The following SEMA6D variants were observed in gnomAD, a reference collection of about 807,000 sequenced individuals.
SEMA6D encodes the protein semaphorin-6D.
In SEMA6D, 35 loss-of-function variants were observed where a neutral mutation model predicts 106.6. The observed-to-expected ratio is 0.33, with a 90% CI of 0.25 to 0.44. SEMA6D has a LOEUF of 0.44. SEMA6D is among the 20% of genes least tolerant of loss of function. The probability of loss-of-function intolerance (pLI) is 1.00; values close to 1 mark genes in which losing one functional copy is unlikely to be tolerated. For missense variants in SEMA6D, 1,185 were observed against 1,345.9 expected, an observed-to-expected ratio of 0.88 and a Z score of 1.87; for synonymous variants, 499 against 487.7, an observed-to-expected ratio of 1.02 and a Z score of -0.31.
intron 1 of SEMA6D, among the ~76,000 whole-genome samples, chr15:47,300,668 T>G (rs2035985576): frequency 1.3e-5 from 2 of 151,648 alleles, no homozygotes; most frequent in Admixed American, 1.3e-4. Flanking sequence ...AATAGGTGAT[T>G]GTTTGGGAAC....
chr15:47,527,126 T>C (rs951903982), intron 3 of SEMA6D, among the ~76,000 whole-genome samples: 1 of 152,184 alleles, frequency 6.6e-6, no homozygotes, highest in Non-Finnish European at 1.5e-5. Flanking sequence ...ATGAGGAGTG[T>C]TTGCCAAACA....
At position 47,464,212 on chromosome 15, in the gene SEMA6D, A is replaced by G. The variant is rs535640952; in HGVS notation, c.-158-6262A>G. Among the ~76,000 whole-genome samples, 31 of 152,236 alleles carry G rather than the reference A, an allele frequency of 2.0e-4. 2 individuals carry two copies. The highest frequency in any genetic ancestry group is 7.5e-4 in the African/African-American group (31 of 41,562). The stretch of plus-strand genomic sequence containing the variant: ...TTTTTTTTAGCTACAATCCCTCATC[A>G]GTAAGATAAGGTTAATAAACTTTTA... On this transcript the variant is annotated intron_variant, in intron 2 of 19. Coordinates refer to the SEMA6D transcript ENST00000558014.
chr15:47,220,398 T>C (rs2031080608), intron 1 of SEMA6D, among the ~76,000 whole-genome samples: 1 of 152,180 alleles, frequency 6.6e-6, no homozygotes, highest in African/African-American at 2.4e-5. Context: ...ATTTAAAAGA[T>C]ATATTTTGAA....
At chr15:47,766,715 T>C (rs201868033) in intron 16 of SEMA6D, 38 bp downstream of exon 16, 1 of 1,331,654 alleles carries the variant, frequency 7.5e-7, no homozygotes, top group East Asian at 2.3e-5. Flanking sequence ...GGAGCTTCTT[T>C]TTGACCACAT....
At chr15:47,755,416 C>T (rs1020951270) in intron 1 of SEMA6D, among the ~76,000 whole-genome samples, 1 of 151,750 alleles carries the variant, frequency 6.6e-6, no homozygotes, top group Admixed American at 6.6e-5. Context: ...GTGGTTTTTT[C>T]TCTCTCTCTT....
intron 1 of SEMA6D, among the ~76,000 whole-genome samples, chr15:47,723,009 G>A (rs569731247): frequency 6.6e-6 from 1 of 152,168 alleles, no homozygotes; most frequent in African/African-American, 2.4e-5. Flanking sequence ...TAGGCTTCCC[G>A]ACATCTCAGC....
chr15:47,197,020 T>C (rs2141021762), intron 1 of SEMA6D, among the ~76,000 whole-genome samples: 1 of 152,254 alleles, frequency 6.6e-6, no homozygotes, highest in Admixed American at 6.5e-5. Flanking sequence ...AAATCACATA[T>C]AAATTCAAAA....
At chr15:47,381,761 T>G (rs983153930) in intron 1 of SEMA6D, among the ~76,000 whole-genome samples, 5 of 152,184 alleles carry the variant, frequency 3.3e-5, no homozygotes, top group Non-Finnish European at 7.3e-5. Flanking sequence ...ATAGGAAATA[T>G]GAGTTTTAAA....
chr15:47,193,679 A>G (rs1417671386), intron 1 of SEMA6D, among the ~76,000 whole-genome samples: 1 of 152,038 alleles, frequency 6.6e-6, no homozygotes, highest in Non-Finnish European at 1.5e-5. Flanking sequence ...AAAACAAAAA[A>G]ACTCTTGTTC....
intron 4 of SEMA6D, among the ~76,000 whole-genome samples, chr15:47,673,776 T>C (rs1489249949): frequency 6.6e-6 from 1 of 152,138 alleles, no homozygotes; most frequent in Non-Finnish European, 1.5e-5. Context: ...GTTTGCAAAC[T>C]AGCCTGATGC....
chr15:47,769,194 T>C (rs2082502189), intron 18 of SEMA6D, among the ~76,000 whole-genome samples: 1 of 152,226 alleles, frequency 6.6e-6, no homozygotes, highest in Admixed American at 6.5e-5. Flanking sequence ...GCTAAGTTGC[T>C]TGAATGCCAC....
chr15:47,298,294 C>G (rs1222526712), intron 1 of SEMA6D, among the ~76,000 whole-genome samples: 1 of 152,012 alleles, frequency 6.6e-6, no homozygotes, highest in Non-Finnish European at 1.5e-5. Flanking sequence ...TTGTAACTTC[C>G]TAAGCTCAGC....
chr15:47,396,073 A>T (rs1042724798), intron 1 of SEMA6D, among the ~76,000 whole-genome samples: 1 of 152,112 alleles, frequency 6.6e-6, no homozygotes, highest in Non-Finnish European at 1.5e-5. Context: ...TTTGTCTCCC[A>T]TGTGAGGACA....
intron 1 of SEMA6D, among the ~76,000 whole-genome samples, chr15:47,242,801 A>T (rs1034198070): frequency 6.6e-6 from 1 of 152,086 alleles, no homozygotes; most frequent in Non-Finnish European, 1.5e-5. Flanking sequence ...AGTAGAGGTG[A>T]CTCTCATTAA....
At chr15:47,626,477 T>C (rs1212386801) in intron 4 of SEMA6D, among the ~76,000 whole-genome samples, 2 of 152,178 alleles carry the variant, frequency 1.3e-5, no homozygotes, top group African/African-American at 4.8e-5. Flanking sequence ...CCTGTTGTCA[T>C]TGGCTTCCCA....
At chr15:47,535,841 A>G (rs1194754211) in intron 3 of SEMA6D, among the ~76,000 whole-genome samples, 1 of 152,114 alleles carries the variant, frequency 6.6e-6, no homozygotes, top group Non-Finnish European at 1.5e-5. Context: ...GAATTTGTAA[A>G]TGTGAAGATT....
At chr15:47,532,074 A>G (rs573378960) in intron 3 of SEMA6D, among the ~76,000 whole-genome samples, 130 of 152,236 alleles carry the variant, frequency 8.5e-4, no homozygotes, top group African/African-American at 3.1e-3. Context: ...GTATCCAAAG[A>G]CCTTGACCAT....
At chr15:47,539,048 G>A (rs780919750) in intron 3 of SEMA6D, among the ~76,000 whole-genome samples, 1 of 152,170 alleles carries the variant, frequency 6.6e-6, no homozygotes, top group Non-Finnish European at 1.5e-5. Context: ...TGTGACTTAA[G>A]CTTCAGGGAA....
chr15:47,224,256 C>CT (rs2031463218), intron 1 of SEMA6D, among the ~76,000 whole-genome samples: 1 of 151,680 alleles, frequency 6.6e-6, no homozygotes, highest in South Asian at 2.1e-4. Context: ...TTCCCTGACT[C>CT]TGACTTCAAA....
Sources: gnomAD v4.1 joint callset for allele counts (sites outside exome capture counted in the v4.1 genomes callset) on GRCh38, gnomAD v4.1.1 for gene constraint, MANE v1.5 for transcripts, NCBI Gene and HGNC (gene_info 2026-07-23, HGNC 2026-07-21) for gene names.